The following ACSM2A variants were observed in gnomAD, a reference collection of about 807,000 sequenced individuals.
ACSM2A encodes the protein acyl-coenzyme A synthetase ACSM2A, mitochondrial.
A neutral mutation model predicts 76.6 loss-of-function variants in ACSM2A; 72 were observed. The observed-to-expected ratio is 0.94, with a 90% CI of 0.78 to 1.14. The LOEUF (loss-of-function observed/expected upper bound fraction) is 1.14, where lower values mean the gene tolerates loss of function less well. Among genes scored for constraint, ACSM2A ranks in the 50% most tolerant of loss-of-function variants. The pLI, the probability that ACSM2A is intolerant of heterozygous loss-of-function variation, is 0.00. For synonymous variants in ACSM2A, 249 were observed against 255.9 expected (o/e 0.97, Z 0.26); for missense variants, 684 against 708.5 (o/e 0.97, Z 0.39).
chr16:20,479,101 C>T (rs1196378003), intron 10 of ACSM2A, among the ~76,000 whole-genome samples: 3 of 151,944 alleles, frequency 2.0e-5, no homozygotes, highest in Admixed American at 2.0e-4. Context: ...TGGAGGAATC[C>T]CTATCTTCAG....
intron 12 of ACSM2A, chr16:20,482,820 G>T (rs2014158359): frequency 7.2e-6 from 3 of 418,658 alleles, no homozygotes; most frequent in Admixed American, 3.5e-5. Flanking sequence ...ATTGTTATTG[G>T]AGTATGAGGT....
At chr16:20,472,071 G>C (rs952025612) in intron 6 of ACSM2A, among the ~76,000 whole-genome samples, 1 of 152,124 alleles carries the variant, frequency 6.6e-6, no homozygotes, top group African/African-American at 2.4e-5. Flanking sequence ...GTGTTTGTGA[G>C]TGCACATTTC....
chr16:20,486,671 C>A lies in ACSM2A; in HGVS notation c.1727C>A (p.Ala576Glu), dbSNP rs141048019. 21 of 1,613,998 alleles carry A rather than the reference C, an allele frequency of 1.3e-5. No individual in the cohort carries two copies. Among genetic ancestry groups the A allele is most frequent in the Non-Finnish European group, 8.5e-6 (10 of 1,179,984 alleles). Residue 576 changes from alanine (A) to glutamate (E), a missense_variant, in exon 14 of 14, where the codon GCG becomes GAG. This residue lies in a region of ACSM2A where 159 missense variants were observed against 132.5 expected (regional missense o/e 1.20). Transcript: ENST00000573854. ...KEWKMSGKAR[A>E]Q is the part of the protein sequence containing the mutation. Reference sequence around the variant, plus strand: ...TGGAAGATGTCCGGAAAAGCCCGTGCGCAGTGAGACATCTAAGAGACATTC... The same window carrying A: ...TGGAAGATGTCCGGAAAAGCCCGTGAGCAGTGAGACATCTAAGAGACATTC...
intron 4 of ACSM2A, chr16:20,470,790 A>T (rs2013341182): frequency 3.3e-6 from 2 of 598,526 alleles, no homozygotes; most frequent in East Asian, 7.5e-5. Context: ...ATAACTCTAT[A>T]AGACTTGATC....
rs1442500062 is a variant in ACSM2A at position 20,480,590 on chromosome 16, A to G, written c.1299A>G (p.Thr433=). Residue 433 remains threonine (T), a synonymous_variant, in exon 11 of 14, where the codon ACA becomes ACG. Transcript: ENST00000573854. ...GTCACCAGGACAATCCCGACAAGACAGCAGCCAACATTCGAGGAGACTTTT... is the reference window on the plus strand; with the variant it reads ...GTCACCAGGACAATCCCGACAAGACGGCAGCCAACATTCGAGGAGACTTTT... ...FSGYVDNPDK[T]AANIRGDFWL... The G allele has an allele frequency of 6.2e-7, 1 of 1,613,888 alleles. No homozygotes were observed. The highest frequency in any genetic ancestry group is 8.5e-7 in the Non-Finnish European group (1 of 1,179,824).
intron 1 of ACSM2A, among the ~76,000 whole-genome samples, 181 bp from the exon 2 acceptor site, chr16:20,459,926 A>C (rs1253418932): frequency 6.6e-6 from 1 of 152,162 alleles, no homozygotes; most frequent in Non-Finnish European, 1.5e-5. Context: ...TTATGCCTTT[A>C]GAAAACAGCA....
At chr16:20,467,110 T>G (rs1362534560) in intron 3 of ACSM2A, among the ~76,000 whole-genome samples, 2 of 152,200 alleles carry the variant, frequency 1.3e-5, no homozygotes, top group Non-Finnish European at 2.9e-5. Context: ...CTCAGTGTCA[T>G]AATTTTTCCA....
chr16:20,473,383 T>A (rs961540555), intron 6 of ACSM2A, among the ~76,000 whole-genome samples: 3 of 152,038 alleles, frequency 2.0e-5, no homozygotes, highest in East Asian at 1.9e-4. Context: ...TTGGGAAAAT[T>A]TAGGTTGGAG....
chr16:20,485,372 C>G (rs959019201), intron 13 of ACSM2A, among the ~76,000 whole-genome samples: 3 of 152,170 alleles, frequency 2.0e-5, no homozygotes, highest in Admixed American at 6.5e-5. Context: ...CCTCCTTCCA[C>G]CAACTACATC....
At position 20,480,664 on chromosome 16, in the gene ACSM2A, T is replaced by A. The variant is rs2141757709; in HGVS notation, c.1373T>A (p.Phe458Tyr). 1 of 1,236,906 alleles carries A rather than the reference T, an allele frequency of 8.1e-7. No homozygotes were observed. Among genetic ancestry groups the A allele is most frequent in the East Asian group, 2.4e-5 (1 of 42,384 alleles). 76.6% of individuals were successfully genotyped at this position (1,236,906 alleles called of 1,614,324 possible). The change falls in exon 11 of 14, where the codon TTT becomes TAT. Residue 458 changes from phenylalanine to tyrosine, a missense_variant. Transcript: ENST00000573854. ...GIKDEDGYFQ[F>Y]MGRANDIINS... ...AAAGATGAAGATGGGTATTTCCAGT[T>A]TATGGGACGGGCAAATGATATCATT...
intron 6 of ACSM2A, 104 bp from the exon 7 acceptor site, chr16:20,475,258 C>A: frequency 6.3e-7 from 1 of 1,587,780 alleles, no homozygotes; most frequent in Non-Finnish European, 8.6e-7. Flanking sequence ...GGGTTTTCAT[C>A]CAGACCTCTA....
rs1596667323 is a variant in ACSM2A at position 20,475,458 on chromosome 16, G to A, written c.974+17G>A. 1 of 1,613,632 alleles carries A rather than the reference G, an allele frequency of 6.2e-7. No individual in the cohort carries two copies. The highest frequency in any genetic ancestry group is 2.2e-5 in the East Asian group (1 of 44,874). ...TCTTTCCAGGTGATGGGGCTTTGAG[G>A]ATTGGTAAGAGAGTCTGGCCCCATC... On this transcript the variant is annotated intron_variant, in intron 7 of 13. Coordinates refer to ENST00000573854, the MANE Select transcript of ACSM2A (RefSeq NM_001308172.2).
At chr16:20,473,058 T>C (rs1285006214) in intron 6 of ACSM2A, among the ~76,000 whole-genome samples, 1 of 152,178 alleles carries the variant, frequency 6.6e-6, no homozygotes, top group African/African-American at 2.4e-5. Context: ...ATTTTGCTTA[T>C]GAAGATACAC....
rs555592909 is a variant in ACSM2A at position 20,466,864 on chromosome 16, T to C, written c.388+1137T>C. 1.3e-3 allele frequency among the ~76,000 whole-genome samples: 195 copies of C among 152,348 alleles called. 1 individual carries two copies. The highest frequency in any genetic ancestry group is 4.6e-3 in the African/African-American group (192 of 41,574). On this transcript the variant is annotated intron_variant, in intron 3 of 13. Transcript: ENST00000573854. Reference sequence around the variant, plus strand: ...ACAAATCTTGTGACCTCTGGCTCCATGACTCCTGAACTATAATTCTAACCT... The same window carrying C: ...ACAAATCTTGTGACCTCTGGCTCCACGACTCCTGAACTATAATTCTAACCT...
intron 8 of ACSM2A, chr16:20,476,324 A>G: frequency 1.0e-6 from 1 of 977,762 alleles, no homozygotes; most frequent in African/African-American, 1.8e-5. Context: ...TCAAAACTAC[A>G]TGGGGAATAC....
chr16:20,472,998 G>A (rs763622355), intron 6 of ACSM2A, among the ~76,000 whole-genome samples: 6 of 152,134 alleles, frequency 3.9e-5, no homozygotes, highest in Non-Finnish European at 7.4e-5. Context: ...AAGACCCACA[G>A]ACTGCAGCTA....
chr16:20,479,282 CTAAA>C (rs1284545719), intron 10 of ACSM2A, among the ~76,000 whole-genome samples: 1 of 152,176 alleles, frequency 6.6e-6, no homozygotes, highest in Non-Finnish European at 1.5e-5. Flanking sequence ...GATTAATAAA[CTAAA>C]TAAACAATAA....
chr16:20,467,401 C>T (rs747377382), intron 3 of ACSM2A, among the ~76,000 whole-genome samples: 4 of 151,704 alleles, frequency 2.6e-5, no homozygotes, highest in African/African-American at 9.7e-5. Flanking sequence ...GTGACATGAT[C>T]CTCCTCTGTT....
At chr16:20,471,848 A>G (rs571608388) in intron 6 of ACSM2A, among the ~76,000 whole-genome samples, 159 bp downstream of exon 6, 33 of 152,316 alleles carry the variant, frequency 2.2e-4, no homozygotes, top group African/African-American at 7.2e-4. Flanking sequence ...CCCTGACCTC[A>G]CAGAGCTCAT....
Sources: allele counts gnomAD v4.1 joint callset (sites outside exome capture counted in the v4.1 genomes callset), GRCh38; gene constraint gnomAD v4.1.1; regional missense constraint gnomAD v4.1.1; transcripts MANE v1.5; gene names NCBI Gene and HGNC (gene_info 2026-07-23, HGNC 2026-07-21).